Variants in RNF168 observed in about 807,000 individuals in gnomAD.
The protein encoded by RNF168 is ring finger protein 168, also known as E3 ubiquitin-protein ligase RNF168.
RNF168 carries 34 observed loss-of-function variants against 34.9 expected under a neutral mutation model. The observed-to-expected ratio is 0.97, with a 90% CI of 0.74 to 1.30. RNF168 has a LOEUF of 1.30. RNF168 is among the 50% of genes most tolerant of loss of function. The pLI is 0.00. For missense variants in RNF168, 725 were observed against 682.5 expected, an observed-to-expected ratio of 1.06 and a Z score of -0.69; for synonymous variants, 264 against 254.7, an observed-to-expected ratio of 1.04 and a Z score of -0.35.
rs752613350 is a variant in RNF168 at position 196,472,185 on chromosome 3, T to C, written c.1350A>G (p.Ala450=). 1 of 1,614,132 alleles carries C rather than the reference T, an allele frequency of 6.2e-7. No individual in the cohort carries two copies. The highest frequency in any genetic ancestry group is 8.5e-7 in the Non-Finnish European group (1 of 1,179,966). The change falls in exon 6 of 6, where the codon GCA becomes GCG. Residue 450 remains alanine, a synonymous_variant. Transcript: ENST00000318037. ...TATCCACCTCCTTCTGAAGTTGTAA[T>C]GCCAATAACCTGTCCTGTTCTTCTT... The part of the protein sequence containing the change: ...HKQEEQDRLL[A]LQLQKEVDKE...
chr3:196,472,286 C>T lies in RNF168; in HGVS notation c.1249G>A (p.Asp417Asn). 6.2e-7 allele frequency: 1 copy of T among 1,613,942 alleles called. No individual in the cohort carries two copies. Among genetic ancestry groups the T allele is most frequent in the Non-Finnish European group, 8.5e-7 (1 of 1,179,832 alleles). Reference sequence around the variant, plus strand: ...AAGTTTATTTCTGTTTCCTCTTGATCTGGGGAAGATTCGGGGGACACTTTT... The same window carrying T: ...AAGTTTATTTCTGTTTCCTCTTGATTTGGGGAAGATTCGGGGGACACTTTT... ...RRKVSPESSP[D>N]QEETEINFTQ... The change falls in exon 6 of 6, where the codon GAT becomes AAT. Residue 417 changes from aspartate (D) to asparagine (N), a missense_variant. Coordinates refer to ENST00000318037, the MANE Select transcript of RNF168 (RefSeq NM_152617.4).
At chr3:196,481,961 G>GGTTT (rs1421439724) in intron 4 of RNF168, among the ~76,000 whole-genome samples, 5 of 132,824 alleles carry the variant, frequency 3.8e-5, no homozygotes, top group Admixed American at 7.5e-5. Flanking sequence ...ACTGTCCCTG[G>GGTTT]CTTTTTTTTT....
At position 196,500,717 on chromosome 3, in the gene RNF168, AT is replaced by A. The variant is rs562884411; in HGVS notation, c.301+2155del. ...GGTAATCTTGCTATATTTTACCACA[AT>A]TTTTTTTTTTTGAAACGGAGTCTCG... is the stretch of plus-strand genomic sequence containing the variant. On this transcript the variant is annotated intron_variant, in intron 1 of 5. Coordinates refer to ENST00000318037, the MANE Select transcript of RNF168 (RefSeq NM_152617.4). 4.4e-3 allele frequency among the ~76,000 whole-genome samples: 646 copies of A among 147,788 alleles called. 6 individuals carry two copies. The highest frequency in any genetic ancestry group is 0.014 in the African/African-American group (563 of 40,526).
At chr3:196,476,908 C>G (rs902397025) in intron 4 of RNF168, among the ~76,000 whole-genome samples, 1 of 151,830 alleles carries the variant, frequency 6.6e-6, no homozygotes, top group African/African-American at 2.4e-5. Flanking sequence ...CCACCATGCC[C>G]TGCTAATTTT....
intron 1 of RNF168, among the ~76,000 whole-genome samples, chr3:196,501,699 A>T (rs1732890594): frequency 6.6e-6 from 1 of 152,198 alleles, no homozygotes; most frequent in Admixed American, 6.5e-5. Context: ...TTAAAATGTC[A>T]GTTTGTTATA....
chr3:196,477,133 T>C (rs1732169954), intron 4 of RNF168, among the ~76,000 whole-genome samples: 1 of 152,224 alleles, frequency 6.6e-6, no homozygotes, highest in Non-Finnish European at 1.5e-5. Context: ...GAAAATGTTA[T>C]AAAAGAACGG....
At position 196,503,206 on chromosome 3, in the gene RNF168, A is replaced by C. The variant is rs1434353380; in HGVS notation, c.-33T>G. On this transcript the variant is annotated 5_prime_UTR_variant, in exon 1 of 6. Transcript: ENST00000318037. The stretch of plus-strand genomic sequence containing the variant: ...TGTTAGTAAAGCCGACTAAACAACG[A>C]CACCTGCACGAAAAAGAATCCTATT... The C allele has an allele frequency of 6.3e-7, 1 of 1,591,928 alleles. No homozygotes were observed.
At chr3:196,500,579 T>C (rs1399231721) in intron 1 of RNF168, among the ~76,000 whole-genome samples, 1 of 152,198 alleles carries the variant, frequency 6.6e-6, no homozygotes, top group Non-Finnish European at 1.5e-5. Flanking sequence ...TGGACGGTGG[T>C]GACGGATGCA....
intron 1 of RNF168, among the ~76,000 whole-genome samples, chr3:196,494,517 A>G (rs1413581493): frequency 6.6e-6 from 1 of 152,232 alleles, no homozygotes; most frequent in African/African-American, 2.4e-5. Flanking sequence ...GCTGTTCATA[A>G]AACTGCCCTC....
At chr3:196,476,693 T>C (rs1178563144) in intron 4 of RNF168, among the ~76,000 whole-genome samples, 1 of 142,420 alleles carries the variant, frequency 7.0e-6, no homozygotes, top group Non-Finnish European at 1.5e-5. Context: ...TGGGATAACA[T>C]GCGTGAGCCA....
Position 196,469,790 on chromosome 3 carries a change from T to C in RNF168, c.*2029A>G, listed in dbSNP as rs1433055174. ...ACAAATGATCATATAAGAAAACACG[T>C]GGTTATGTTTCAGGTTCCACAACAT... is the stretch of plus-strand genomic sequence containing the variant. On this transcript the variant is annotated 3_prime_UTR_variant, in exon 6 of 6. Coordinates refer to ENST00000318037, the MANE Select transcript of RNF168 (RefSeq NM_152617.4). The C allele has an allele frequency of 6.6e-6, 1 of 152,198 alleles. No homozygotes were observed. The highest frequency in any genetic ancestry group is 6.6e-5 in the Admixed American group (1 of 15,266). 9.4% of individuals were successfully genotyped at this position (152,198 alleles called of 1,614,324 possible). A position where few individuals can be genotyped will look rare whatever the true frequency, so the allele number is the denominator to read the frequency against.
At position 196,503,159 on chromosome 3, in the gene RNF168, T is replaced by TCC; in HGVS notation, c.14_15insGG (p.Asp6GlufsTer75). ...ACTCGGACAGCGAGGGGATGGCGTC[T>TCC]TTGGGTAGAGCCATTTCAATATGTT... On this transcript the variant is annotated frameshift_variant, in exon 1 of 6. Coordinates refer to ENST00000318037, the MANE Select transcript of RNF168 (RefSeq NM_152617.4). LOFTEE classifies it high-confidence loss of function. The TCC allele has an allele frequency of 6.2e-7, 1 of 1,613,896 alleles. No homozygotes were observed. Among genetic ancestry groups the TCC allele is most frequent in the Non-Finnish European group, 8.5e-7 (1 of 1,179,906 alleles).
chr3:196,474,596 C>T (rs113713328), intron 5 of RNF168, among the ~76,000 whole-genome samples: 28,003 of 151,870 alleles, frequency 0.18, 4,687 homozygotes, highest in African/African-American at 0.45. Context: ...TACAGGCATG[C>T]GCCACCACAC....
chr3:196,488,470 AGACTCCATC>A (rs946493811), intron 2 of RNF168, 128 bp downstream of exon 2: 1 of 546,986 alleles, frequency 1.8e-6, no homozygotes, highest in Non-Finnish European at 3.3e-6. Context: ...TGACAGAGTG[AGACTCCATC>A]TCAAAAAAAA....
At chr3:196,482,865 C>A (rs954530497) in intron 4 of RNF168, among the ~76,000 whole-genome samples, 5 of 152,084 alleles carry the variant, frequency 3.3e-5, no homozygotes, top group Non-Finnish European at 7.4e-5. Flanking sequence ...AATATTGTTA[C>A]AACTTTAATC....
intron 4 of RNF168, among the ~76,000 whole-genome samples, chr3:196,480,425 G>T (rs757314049): frequency 1.4e-4 from 21 of 152,112 alleles, no homozygotes; most frequent in Non-Finnish European, 2.5e-4. Flanking sequence ...AAACAGATTT[G>T]CCACACTTTT....
In RNF168 at chr3:196,498,942, C is replaced by T. The variant is rs371430950; in HGVS notation, c.301+3931G>A. Reference sequence around the variant, plus strand: ...CCCAGGAGACGGAGGTTGCAGTGAGCCGAGATCCTGTCACTGCATTCCAGA... The same window carrying T: ...CCCAGGAGACGGAGGTTGCAGTGAGTCGAGATCCTGTCACTGCATTCCAGA... On this transcript the variant is annotated intron_variant, in intron 1 of 5. Transcript: ENST00000318037. Among the ~76,000 whole-genome samples, 4 of 151,848 alleles carry T rather than the reference C, an allele frequency of 2.6e-5. No individual in the cohort carries two copies. The East Asian group carries it at 7.7e-4, about 29-fold the overall frequency.
chr3:196,496,855 T>C (rs1435673419), intron 1 of RNF168, among the ~76,000 whole-genome samples: 1 of 151,950 alleles, frequency 6.6e-6, no homozygotes, highest in East Asian at 1.9e-4. Context: ...AAAGAATAAA[T>C]ATACGGAGGA....
rs1349459645 is a variant in RNF168 at position 196,475,832 on chromosome 3, G to A, written c.681-520C>T. 2.0e-5 allele frequency among the ~76,000 whole-genome samples: 3 copies of A among 149,420 alleles called. No homozygotes were observed. In the Admixed American group the frequency reaches 2.0e-4, roughly 10 times the overall value. ...CCCAAAGTGCTGGGATTACAGGCGT[G>A]AGCCACTGAGCCCGGCTAAATATTT... is the stretch of plus-strand genomic sequence containing the variant. On this transcript the variant is annotated intron_variant, in intron 4 of 5. Transcript: ENST00000318037.
Sources: allele counts gnomAD v4.1 joint callset (sites outside exome capture counted in the v4.1 genomes callset), GRCh38; gene constraint gnomAD v4.1.1; transcripts MANE v1.5; gene names NCBI Gene and HGNC (gene_info 2026-07-23, HGNC 2026-07-21).